Variants in CNNM4 observed in about 807,000 individuals in gnomAD.
CNNM4 encodes the protein cyclin and CBS domain divalent metal cation transport mediator 4.
Under a neutral mutation model 53.7 loss-of-function variants are expected in CNNM4, and 32 were observed. That is an observed-to-expected ratio of 0.60 (90% CI 0.45 to 0.80). CNNM4 has a LOEUF of 0.80. Among genes scored for constraint, CNNM4 ranks in the 30% least tolerant of loss-of-function variants. The pLI, the probability that CNNM4 is intolerant of heterozygous loss-of-function variation, is 0.00. For synonymous variants in CNNM4, 410 were observed against 440.0 expected (o/e 0.93, Z 0.85); for missense variants, 784 against 1,022.0 (o/e 0.77, Z 3.17).
At chr2:96,768,876 A>G (rs571325624) in intron 1 of CNNM4, among the ~76,000 whole-genome samples, 20 of 152,320 alleles carry the variant, frequency 1.3e-4, no homozygotes, top group Non-Finnish European at 2.2e-4. Flanking sequence ...ACCAGTGTGC[A>G]GTAACATCTA....
intron 5 of CNNM4, among the ~76,000 whole-genome samples, chr2:96,803,701 G>A (rs1446832812): frequency 6.6e-6 from 1 of 150,438 alleles, no homozygotes; most frequent in Non-Finnish European, 1.5e-5. Context: ...GCTCTAGCCT[G>A]GGCAACAAGA....
intron 5 of CNNM4, among the ~76,000 whole-genome samples, chr2:96,807,643 C>T (rs970152949): frequency 4.6e-5 from 7 of 151,854 alleles, no homozygotes; most frequent in African/African-American, 7.2e-5. Context: ...GCTGAGGCAG[C>T]AGAATTGCTT....
At chr2:96,762,467 T>TGTGGCTTTA (rs1200499788) in intron 1 of CNNM4, 66 bp downstream of exon 1, 8 of 1,436,198 alleles carry the variant, frequency 5.6e-6, no homozygotes, top group Non-Finnish European at 7.8e-6. Flanking sequence ...TGGCGTGTTT[T>TGTGGCTTTA]GTGTCTGCTG....
rs1416997251 is a variant in CNNM4, at chr2:96,806,065, C to T, written c.1949-2496C>T. Among the ~76,000 whole-genome samples the T allele has an allele frequency of 2.8e-5, 4 of 145,212 alleles. No homozygotes were observed. The East Asian group carries it at 5.9e-4, about 21-fold the overall frequency. ...CTCACCTCCCGGACGGGGCGGCTGG[C>T]CGGGCAGGGGGGCTGACCCCCCCCA... On this transcript the variant is annotated intron_variant, in intron 5 of 6. Transcript: ENST00000377075.
chr2:96,785,141 G>T (rs915859229), intron 1 of CNNM4, among the ~76,000 whole-genome samples: 8 of 152,032 alleles, frequency 5.3e-5, no homozygotes, highest in African/African-American at 1.9e-4. Flanking sequence ...GCCTCCCAAC[G>T]TGCTGGGATT....
chr2:96,799,705 A>G (rs996299534), intron 5 of CNNM4, 57 bp downstream of exon 5: 3 of 1,354,062 alleles, frequency 2.2e-6, no homozygotes, highest in South Asian at 2.5e-5. Flanking sequence ...CTGGGGAGCC[A>G]TGGACCGACA....
In CNNM4 at chr2:96,807,531, AAAAAAC is replaced by A. The variant is rs958617333; in HGVS notation, c.1949-1013_1949-1008del. ...GGTGACAGAGTAAGACTCCATCTCA[AAAAAAC>A]AAAAACAAAAACAAAACAAAACCAA... On this transcript the variant is annotated intron_variant, in intron 5 of 6. Coordinates refer to ENST00000377075, the MANE Select transcript of CNNM4 (RefSeq NM_020184.4). Among the ~76,000 whole-genome samples the A allele has an allele frequency of 3.9e-5, 6 of 152,274 alleles. No homozygotes were observed. The East Asian group carries it at 7.7e-4, about 20-fold the overall frequency.
At chr2:96,790,955 A>G (rs867711983) in intron 1 of CNNM4, among the ~76,000 whole-genome samples, 2 of 150,780 alleles carry the variant, frequency 1.3e-5, no homozygotes, top group South Asian at 4.2e-4. Context: ...CCCTGTCTCT[A>G]TTAAAAATAC....
intron 1 of CNNM4, among the ~76,000 whole-genome samples, chr2:96,785,258 G>T (rs966593590): frequency 6.6e-6 from 1 of 151,606 alleles, no homozygotes; most frequent in African/African-American, 2.4e-5. Context: ...TTTTTAGTTT[G>T]TGCCTCCATT....
Position 96,797,036 on chromosome 2 carries a change from A to G in CNNM4, c.1427A>G (p.Gln476Arg). ...GGGAAGTCCCACCTGGCCATCGTGC[A>G]GAAGGTAAACAACGAGGGTGAGGGT... is the stretch of plus-strand genomic sequence containing the variant. ...KKGKSHLAIV[Q>R]KVNNEGEGDP... The change falls in exon 2 of 7, where the codon CAG (glutamine) becomes CGG (arginine). Residue 476 changes from glutamine (Q) to arginine (R), a missense_variant. Gln to Arg is a conservative substitution (Grantham distance 43, BLOSUM62 1). Coordinates refer to ENST00000377075, the MANE Select transcript of CNNM4 (RefSeq NM_020184.4). This position sits in a 1 kb window ranked among gnomAD's most constrained non-coding sequence, Gnocchi z 6.0. 2 of 1,613,632 alleles carry G rather than the reference A, an allele frequency of 1.2e-6. No individual in the cohort carries two copies. The highest frequency in any genetic ancestry group is 8.5e-7 in the Non-Finnish European group (1 of 1,179,998).
intron 1 of CNNM4, among the ~76,000 whole-genome samples, chr2:96,774,519 A>C (rs1308675786): frequency 6.6e-6 from 1 of 152,216 alleles, no homozygotes; most frequent in African/African-American, 2.4e-5. Flanking sequence ...TTAATCCTCC[A>C]AGTGCTGTAG....
intron 1 of CNNM4, among the ~76,000 whole-genome samples, chr2:96,762,707 C>T (rs903019186): frequency 6.6e-6 from 1 of 152,064 alleles, no homozygotes; most frequent in Non-Finnish European, 1.5e-5. Flanking sequence ...AGACAGATGC[C>T]TGAAAAGAGG....
At chr2:96,795,487 AC>A (rs5832819) in intron 1 of CNNM4, among the ~76,000 whole-genome samples, 40,807 of 136,156 alleles carry the variant, frequency 0.3, 9,006 homozygotes, top group African/African-American at 0.63. Flanking sequence ...ACAATGCAGT[AC>A]CCCCCCCCCC....
chr2:96,805,755 G>C (rs1444358701), intron 5 of CNNM4, among the ~76,000 whole-genome samples: 2 of 132,304 alleles, frequency 1.5e-5, no homozygotes, highest in African/African-American at 5.9e-5. Flanking sequence ...AGAGAGCACA[G>C]GGTTGGGGGT....
rs779146988 is a variant in CNNM4 at position 96,761,688 on chromosome 2, G to GC, written c.690dup (p.Lys231GlnfsTer3). 6.2e-7 allele frequency: 1 copy of GC among 1,609,896 alleles called. No homozygotes were observed. Among genetic ancestry groups the GC allele is most frequent in the Non-Finnish European group, 8.5e-7 (1 of 1,179,952 alleles). ...ACCGAGAAGGAGAGGCGCTATGCCC[G>GC]CAAGATTGAGCCCATCCGGCGCAAG... On this transcript the variant is annotated frameshift_variant, in exon 1 of 7. Coordinates refer to ENST00000377075, the MANE Select transcript of CNNM4 (RefSeq NM_020184.4). LOFTEE classifies it high-confidence loss of function. The surrounding 1 kb of genome is among the most constrained non-coding windows in gnomAD (Gnocchi z 6.0).
At chr2:96,781,728 A>G (rs1408034200) in intron 1 of CNNM4, among the ~76,000 whole-genome samples, 1 of 152,044 alleles carries the variant, frequency 6.6e-6, no homozygotes, top group East Asian at 1.9e-4. Context: ...ATTGAACCCA[A>G]TCTCTAGACC....
At chr2:96,791,782 A>C (rs1227904602) in intron 1 of CNNM4, among the ~76,000 whole-genome samples, 1 of 152,124 alleles carries the variant, frequency 6.6e-6, no homozygotes, top group East Asian at 1.9e-4. Context: ...CATGTGGCTT[A>C]ATCTACATAT....
In CNNM4 at chr2:96,762,420, C is replaced by A. The variant is rs749571536; in HGVS notation, c.1402+19C>A. On this transcript the variant is annotated intron_variant, in intron 1 of 6. Transcript: ENST00000377075. Reference sequence around the variant, plus strand: ...AAGAAGGGTAAGGCCAGATGTAGTTCCCCTGGTTCAATTTCCTCTTGACGC... The same window carrying A: ...AAGAAGGGTAAGGCCAGATGTAGTTACCCTGGTTCAATTTCCTCTTGACGC... 7 of 1,609,288 alleles carry A rather than the reference C, an allele frequency of 4.3e-6. No individual in the cohort carries two copies. In the East Asian group the frequency reaches 1.6e-4, roughly 36 times the overall value.
At chr2:96,799,355 G>A in intron 4 of CNNM4, 129 bp downstream of exon 4, 1 of 1,320,276 alleles carries the variant, frequency 7.6e-7, no homozygotes, top group Non-Finnish European at 1.1e-6. Flanking sequence ...CTGCCCTTGA[G>A]CCCCGCCTGC....
Sources: gnomAD v4.1 joint callset for allele counts (sites outside exome capture counted in the v4.1 genomes callset) on GRCh38, gnomAD v4.1.1 for gene constraint, Gnocchi (gnomAD v3.1) non-coding constraint, MANE v1.5 for transcripts, NCBI Gene and HGNC (gene_info 2026-07-23, HGNC 2026-07-21) for gene names.